The following OPHN1 variants were observed in gnomAD, a reference collection of about 807,000 sequenced individuals.
OPHN1 encodes the protein oligophrenin 1, also known as oligophrenin-1.
OPHN1 carries 11 observed loss-of-function variants against 60.7 expected under a neutral mutation model. The observed-to-expected ratio is 0.18, with a 90% CI of 0.11 to 0.30. OPHN1 has a LOEUF of 0.30. OPHN1 is among the 10% of genes least tolerant of loss of function. The pLI, the probability that OPHN1 is intolerant of heterozygous loss-of-function variation, is 1.00. For missense variants in OPHN1, 449 were observed against 611.0 expected, an observed-to-expected ratio of 0.73 and a Z score of 2.80; for synonymous variants, 226 against 222.6, an observed-to-expected ratio of 1.02 and a Z score of -0.14.
intron 15 of OPHN1, among the ~76,000 whole-genome samples, chrX:68,148,398 C>CT (rs1219504317): frequency 9.1e-6 from 1 of 110,386 alleles, no homozygotes; most frequent in South Asian, 3.9e-4. Context: ...ATCATATCTC[C>CT]TCAGGGCTGC....
chrX:68,244,222 C>G (rs1439350593), intron 5 of OPHN1, among the ~76,000 whole-genome samples: 1 of 111,924 alleles, frequency 8.9e-6, no homozygotes, highest in Non-Finnish European at 1.9e-5. Flanking sequence ...TGACTGGCTT[C>G]TTTTCAATGT....
chrX:68,410,719 G>T (rs2078765050), intron 2 of OPHN1, among the ~76,000 whole-genome samples: 1 of 110,959 alleles, frequency 9.0e-6, no homozygotes. Context: ...TTGCATTGGG[G>T]ATTAAGTTTC....
chrX:68,238,128 C>A (rs1228965770), intron 5 of OPHN1, among the ~76,000 whole-genome samples: 1 of 111,499 alleles, frequency 9.0e-6, no homozygotes, highest in Non-Finnish European at 1.9e-5. Flanking sequence ...GCCCTTCATC[C>A]GCCTGGAATT....
At chrX:68,093,951 G>A (rs1212632469) in intron 19 of OPHN1, among the ~76,000 whole-genome samples, 1 of 109,696 alleles carries the variant, frequency 9.1e-6, no homozygotes, top group South Asian at 3.9e-4. Context: ...TTCTTTAATG[G>A]ATTATGCTTT....
intron 2 of OPHN1, among the ~76,000 whole-genome samples, chrX:68,356,518 T>C (rs1031884451): frequency 9.0e-6 from 1 of 110,624 alleles, no homozygotes; most frequent in Non-Finnish European, 1.9e-5. Flanking sequence ...GTTCAAGCGA[T>C]TCTCCTGCCT....
At chrX:68,142,770 G>C (rs919526997) in intron 15 of OPHN1, among the ~76,000 whole-genome samples, 4 of 111,808 alleles carry the variant, frequency 3.6e-5, no homozygotes, top group Non-Finnish European at 7.5e-5. Flanking sequence ...TCGAATTGTG[G>C]CTATGCTTTA....
intron 21 of OPHN1, among the ~76,000 whole-genome samples, chrX:68,061,023 G>A (rs1429332243): frequency 2.7e-5 from 3 of 111,617 alleles, no homozygotes; most frequent in Non-Finnish European, 5.6e-5. Context: ...GTGTAGGTTA[G>A]GTTCAAAGAG....
chrX:68,362,593 A>G (rs1000259746), intron 2 of OPHN1, among the ~76,000 whole-genome samples: 1 of 111,445 alleles, frequency 9.0e-6, no homozygotes, highest in Non-Finnish European at 1.9e-5. Flanking sequence ...GTATACATAG[A>G]TGAAAGCATC....
At chrX:68,138,504 G>A (rs2070414797) in intron 15 of OPHN1, among the ~76,000 whole-genome samples, 1 of 111,635 alleles carries the variant, frequency 9.0e-6, no homozygotes, top group Non-Finnish European at 1.9e-5. Context: ...ATGGCCACAC[G>A]GACTACTCAT....
chrX:68,177,374 T>C lies in OPHN1; in HGVS notation c.1276+15545A>G, dbSNP rs1383332201. ...ATGGTAAATTTTGTCATGTATATTT[T>C]ACCACAATTAAAAATAAAAGTAACA... is the stretch of plus-strand genomic sequence containing the variant. On this transcript the variant is annotated intron_variant, in intron 15 of 24. Coordinates refer to ENST00000355520, the MANE Select transcript of OPHN1 (RefSeq NM_002547.3). Among the ~76,000 whole-genome samples, 3 of 99,762 alleles carry C rather than the reference T, an allele frequency of 3.0e-5. No homozygotes were observed. In the East Asian group the frequency reaches 8.4e-4, roughly 28 times the overall value. The allele number at this position is 99,762 out of a possible 115,157, so 86.6% of individuals were successfully genotyped here.
chrX:68,317,505 G>GAA (rs1240126563), intron 2 of OPHN1, among the ~76,000 whole-genome samples: 1 of 75,987 alleles, frequency 1.3e-5, no homozygotes, highest in African/African-American at 6.3e-5. Flanking sequence ...GAGAGAGGGA[G>GAA]GGAAAGAGAG....
chrX:68,293,165 G>C (rs1259782451), intron 3 of OPHN1, among the ~76,000 whole-genome samples: 2 of 111,203 alleles, frequency 1.8e-5, no homozygotes, highest in African/African-American at 6.5e-5. Context: ...TAAGATGCCT[G>C]ACCTCCAGGA....
At chrX:68,219,912 G>A (rs1420993968) in intron 6 of OPHN1, among the ~76,000 whole-genome samples, 1 of 91,628 alleles carries the variant, frequency 1.1e-5, no homozygotes, top group South Asian at 6.2e-4. Flanking sequence ...CTAGCAGAAG[G>A]CAAGAAATAA....
chrX:68,051,276 C>T (rs913374722), intron 23 of OPHN1, among the ~76,000 whole-genome samples: 1 of 111,152 alleles, frequency 9.0e-6, no homozygotes, highest in African/African-American at 3.3e-5. Context: ...CAAAAGAGTC[C>T]CTGAAGGCTA....
intron 15 of OPHN1, among the ~76,000 whole-genome samples, chrX:68,175,520 T>A (rs2077410904): frequency 8.9e-6 from 1 of 111,814 alleles, no homozygotes; most frequent in African/African-American, 3.2e-5. Context: ...GTAGTGACCA[T>A]GATGAACTTC....
chrX:68,327,813 A>AAAAATTTTAAACTTTTAAACTTTT, intron 2 of OPHN1, among the ~76,000 whole-genome samples: 1 of 103,925 alleles, frequency 9.6e-6, no homozygotes, highest in Non-Finnish European at 1.9e-5. Flanking sequence ...AAAAAAAAAA[A>AAAAATTTTAAACTTTTAAACTTTT]AAAATTTTAA....
At chrX:68,352,507 A>G (rs750744478) in intron 2 of OPHN1, among the ~76,000 whole-genome samples, 128 of 111,372 alleles carry the variant, frequency 1.1e-3, no homozygotes, top group African/African-American at 3.4e-3. Flanking sequence ...GTAAAGAAAT[A>G]GTATCACTGG....
chrX:68,395,448 C>CTT (rs1267290343), intron 2 of OPHN1, among the ~76,000 whole-genome samples: 3 of 99,945 alleles, frequency 3.0e-5, no homozygotes, highest in Non-Finnish European at 4.1e-5. Context: ...TTCTCTCTCT[C>CTT]TTTTTTTTTT....
chrX:68,043,386 A>G lies in OPHN1; in HGVS notation c.*3786T>C, dbSNP rs1048007570. ...TAGAGTATAATAAAAAAAAGAAAAA[A>G]AAAAGAAAAAAAAAGGTATCTTGAT... is the stretch of plus-strand genomic sequence containing the variant. On this transcript the variant is annotated 3_prime_UTR_variant, in exon 25 of 25. Transcript: ENST00000355520. 1.8e-5 allele frequency: 2 copies of G among 108,740 alleles called. No individual in the cohort carries two copies. The highest frequency in any genetic ancestry group is 6.7e-5 in the African/African-American group (2 of 29,672). 9.0% of individuals were successfully genotyped at this position (108,740 alleles called of 1,213,427 possible).
Sources: gnomAD v4.1 joint callset for allele counts (sites outside exome capture counted in the v4.1 genomes callset) on GRCh38, gnomAD v4.1.1 for gene constraint, MANE v1.5 for transcripts, NCBI Gene and HGNC (gene_info 2026-07-23, HGNC 2026-07-21) for gene names.